The following PIWIL1 variants were observed in gnomAD, a reference collection of about 807,000 sequenced individuals.
PIWIL1 encodes piwi like RNA-mediated gene silencing 1, also known as piwi-like protein 1.
In PIWIL1, 73 loss-of-function variants were observed where a neutral mutation model predicts 114.4. The ratio of observed to expected loss-of-function variants is 0.64; its 90% CI spans 0.53 to 0.78. The LOEUF is 0.78. Among genes scored for constraint, PIWIL1 ranks in the 30% least tolerant of loss-of-function variants. PIWIL1 has a pLI of 0.00. For missense variants in PIWIL1, 723 were observed against 1,063.1 expected, an observed-to-expected ratio of 0.68 and a Z score of 4.45; for synonymous variants, 375 against 369.0, an observed-to-expected ratio of 1.02 and a Z score of -0.19.
At chr12:130,412,687 T>C in the PIWIL1 span, 1 of 1,613,806 alleles carries the variant, frequency 6.2e-7, no homozygotes, top group Non-Finnish European at 8.5e-7. Flanking sequence ...CATCTCCTCA[T>C]CATCTGCTTG....
chr12:130,399,848 AT>A, the PIWIL1 span: 1 of 1,611,138 alleles, frequency 6.2e-7, no homozygotes, highest in Non-Finnish European at 8.5e-7. Context: ...AGAACTATTT[AT>A]TTTTCTAGAA....
intron 12 of PIWIL1, among the ~76,000 whole-genome samples, chr12:130,356,195 G>T (rs2073361010): frequency 6.6e-6 from 1 of 151,542 alleles, no homozygotes; most frequent in Non-Finnish European, 1.5e-5. Context: ...TAATTATTAT[G>T]ATACCTTTTA....
rs1341858371 is a variant in PIWIL1 at position 130,361,191 on chromosome 12, G to C, written c.1677G>C (p.Leu559=). Residue 559 remains leucine, a synonymous_variant, in exon 15 of 21, where the codon CTG becomes CTC. Coordinates refer to ENST00000245255, the MANE Select transcript of PIWIL1 (RefSeq NM_004764.5). ...CACTTTGTTTTCAGGTTGTCTGTCT[G>C]TTGTCAAGTAATCGGAAGGACAAAT... ...VTADTQIVVC[L]LSSNRKDKYD... is the part of the protein sequence containing the mutation. 1 of 1,614,022 alleles carries C rather than the reference G, an allele frequency of 6.2e-7. No homozygotes were observed. Among genetic ancestry groups the C allele is most frequent in the Non-Finnish European group, 8.5e-7 (1 of 1,180,014 alleles).
chr12:130,389,184 C>T, the PIWIL1 span, among the ~76,000 whole-genome samples: 4 of 151,600 alleles, frequency 2.6e-5, no homozygotes, highest in African/African-American at 4.8e-5. Flanking sequence ...TTAAATATAC[C>T]ATTGGCTTTT....
At chr12:130,374,694 G>A (rs78636462), downstream of PIWIL1, among the ~76,000 whole-genome samples, 2,553 of 152,248 alleles carry the variant, frequency 0.017, 80 homozygotes, top group African/African-American at 0.058. Context: ...TCTCATGCCT[G>A]GGAACCCCAC....
At chr12:130,344,075 C>T (rs1305021486) in intron 3 of PIWIL1, among the ~76,000 whole-genome samples, 1 of 152,204 alleles carries the variant, frequency 6.6e-6, no homozygotes, top group Non-Finnish European at 1.5e-5. Flanking sequence ...GTGACAAAAT[C>T]AAGCTTTGGC....
intron 1 of PIWIL1, chr12:130,342,146 G>A: frequency 6.3e-6 from 1 of 158,876 alleles, no homozygotes; most frequent in Non-Finnish European, 1.4e-5. Flanking sequence ...TGCCACAAGT[G>A]CCTGTTTCCG....
At chr12:130,401,129 A>T in the PIWIL1 span, among the ~76,000 whole-genome samples, 1 of 151,348 alleles carries the variant, frequency 6.6e-6, no homozygotes, top group African/African-American at 2.4e-5. Context: ...TTTTTTTTTT[A>T]AATTGAGACA....
At chr12:130,374,105 G>A (rs933402888), downstream of PIWIL1, among the ~76,000 whole-genome samples, 6 of 151,932 alleles carry the variant, frequency 3.9e-5, no homozygotes, top group African/African-American at 1.5e-4. Flanking sequence ...CTCTTTTCTG[G>A]GTACATTTTC....
intron 18 of PIWIL1, among the ~76,000 whole-genome samples, chr12:130,364,909 G>A (rs1046434905): frequency 2.0e-5 from 3 of 152,154 alleles, no homozygotes; most frequent in African/African-American, 7.2e-5. Flanking sequence ...GTGCAAGTTC[G>A]TCACATTCCC....
chr12:130,416,063 A>G, the PIWIL1 span, among the ~76,000 whole-genome samples: 1 of 152,226 alleles, frequency 6.6e-6, no homozygotes, highest in Non-Finnish European at 1.5e-5. Context: ...GAACGACAGA[A>G]CACTGCTGAG....
At chr12:130,353,388 G>T (rs2073272597) in intron 9 of PIWIL1, among the ~76,000 whole-genome samples, 1 of 149,790 alleles carries the variant, frequency 6.7e-6, no homozygotes, top group Non-Finnish European at 1.5e-5. Context: ...GAGGTGTGTG[G>T]TTTTTTTGTT....
chr12:130,398,600 C>G, the PIWIL1 span: 1 of 152,580 alleles, frequency 6.6e-6, no homozygotes, highest in East Asian at 1.9e-4. Flanking sequence ...GCATAGCTCT[C>G]TCGTAAGGTA....
At chr12:130,400,643 T>C in the PIWIL1 span, among the ~76,000 whole-genome samples, 1 of 152,190 alleles carries the variant, frequency 6.6e-6, no homozygotes, top group Non-Finnish European at 1.5e-5. Flanking sequence ...ATAAAGAGCC[T>C]ACTACATCAA....
the PIWIL1 span, chr12:130,412,477 A>C: frequency 2.5e-6 from 2 of 805,964 alleles, no homozygotes; most frequent in Non-Finnish European, 3.9e-6. Flanking sequence ...GCCCAAGAAA[A>C]ATCACTGGTC....
chr12:130,345,946 T>G (rs2073057353), intron 4 of PIWIL1, 68 bp downstream of exon 4: 1 of 1,546,148 alleles, frequency 6.5e-7, no homozygotes, highest in African/African-American at 1.4e-5. Flanking sequence ...ATTGAGGCAC[T>G]TTAGTTTAGG....
At chr12:130,376,586 C>G (rs944096501), downstream of PIWIL1, among the ~76,000 whole-genome samples, 3 of 152,216 alleles carry the variant, frequency 2.0e-5, no homozygotes, top group Non-Finnish European at 4.4e-5. Context: ...ATCAGGACTT[C>G]ATCCTTCCAA....
intron 14 of PIWIL1, among the ~76,000 whole-genome samples, chr12:130,358,411 C>A (rs189287727): frequency 2.0e-5 from 3 of 152,142 alleles, no homozygotes; most frequent in Admixed American, 6.5e-5. Flanking sequence ...GTTCACATCC[C>A]GGCTCAGCCA....
intron 1 of PIWIL1, among the ~76,000 whole-genome samples, chr12:130,338,517 C>A (rs2072783558): frequency 4.5e-5 from 1 of 22,448 alleles, no homozygotes; most frequent in Non-Finnish European, 1.0e-4. Context: ...GGGGCGAGGT[C>A]CCAGGTGCGG....
Sources: gnomAD v4.1 joint callset for allele counts (sites outside exome capture counted in the v4.1 genomes callset) on GRCh38, gnomAD v4.1.1 for gene constraint, MANE v1.5 for transcripts, NCBI Gene and HGNC (gene_info 2026-07-23, HGNC 2026-07-21) for gene names.